Variants in GPC5 observed in about 807,000 individuals in gnomAD.
GPC5 encodes glypican-5.
GPC5 carries 47 observed loss-of-function variants against 53.9 expected under a neutral mutation model. The ratio of observed to expected loss-of-function variants is 0.87; its 90% CI spans 0.69 to 1.11. The LOEUF (loss-of-function observed/expected upper bound fraction) is 1.11. Ranked by LOEUF, GPC5 falls within the 50% of genes most tolerant of loss-of-function variation. GPC5 has a pLI of 0.00. For missense variants in GPC5, 748 were observed against 713.1 expected, an observed-to-expected ratio of 1.05 and a Z score of -0.56; for synonymous variants, 286 against 263.3, an observed-to-expected ratio of 1.09 and a Z score of -0.84.
At chr13:91,974,850 C>T (rs150314422) in intron 6 of GPC5, among the ~76,000 whole-genome samples, 3,491 of 152,044 alleles carry the variant, frequency 0.023, 131 homozygotes, top group African/African-American at 0.08. Flanking sequence ...GGAGGCATCC[C>T]GCTACCTGAC....
At chr13:91,436,749 T>C (rs747135046) in intron 1 of GPC5, among the ~76,000 whole-genome samples, 1 of 152,170 alleles carries the variant, frequency 6.6e-6, no homozygotes, top group East Asian at 1.9e-4. Flanking sequence ...CCTTATTAAC[T>C]TTCTGTGTCG....
At chr13:92,234,395 T>G (rs1200031061) in intron 7 of GPC5, among the ~76,000 whole-genome samples, 2 of 152,224 alleles carry the variant, frequency 1.3e-5, no homozygotes, top group Non-Finnish European at 2.9e-5. Context: ...TGATTTGCAT[T>G]TCTCTGATGG....
At chr13:92,386,227 A>G (rs1566568577) in intron 7 of GPC5, among the ~76,000 whole-genome samples, 1 of 152,012 alleles carries the variant, frequency 6.6e-6, no homozygotes, top group South Asian at 2.1e-4. Context: ...GCTTCAGGCA[A>G]TTTGCTGTTC....
intron 6 of GPC5, among the ~76,000 whole-genome samples, chr13:91,985,482 T>C (rs1392589017): frequency 6.6e-6 from 1 of 152,104 alleles, no homozygotes; most frequent in Admixed American, 6.5e-5. Context: ...TTTCTATTTG[T>C]TTTTTACTTG....
At chr13:92,061,552 A>T (rs1358512859) in intron 6 of GPC5, among the ~76,000 whole-genome samples, 1 of 152,090 alleles carries the variant, frequency 6.6e-6, no homozygotes, top group African/African-American at 2.4e-5. Context: ...AAATTATTGA[A>T]ATCAAGTTTT....
At chr13:92,838,736 T>TA (rs1190508537) in intron 7 of GPC5, among the ~76,000 whole-genome samples, 1 of 151,974 alleles carries the variant, frequency 6.6e-6, no homozygotes, top group Non-Finnish European at 1.5e-5. Flanking sequence ...TAGAAATATA[T>TA]AAAAAGATAG....
Position 92,182,254 on chromosome 13 carries a change from G to A in GPC5, c.1561+37265G>A, listed in dbSNP as rs540588177. ...TAACAATTCTATCCAAATTTTGAAG[G>A]CATTGAAAAATGTCACCCAGAAGCT... On this transcript the variant is annotated intron_variant, in intron 7 of 7. Transcript: ENST00000377067. 1.3e-4 allele frequency among the ~76,000 whole-genome samples: 20 copies of A among 152,196 alleles called. 1 individual carries two copies. The highest frequency in any genetic ancestry group is 6.8e-3 in the Middle Eastern group (2 of 294).
chr13:92,364,746 A>G lies in GPC5; in HGVS notation c.1561+219757A>G, dbSNP rs534528714. Reference sequence around the variant, plus strand: ...GACTCCGTCTCAAACAAAAATAATAAGTAATAAAATAAAATACAATAAATA... The same window carrying G: ...GACTCCGTCTCAAACAAAAATAATAGGTAATAAAATAAAATACAATAAATA... On this transcript the variant is annotated intron_variant, in intron 7 of 7. Coordinates refer to ENST00000377067, the MANE Select transcript of GPC5 (RefSeq NM_004466.6). 5.3e-5 allele frequency among the ~76,000 whole-genome samples: 8 copies of G among 151,906 alleles called. 1 individual carries two copies. Among genetic ancestry groups the G allele is most frequent in the African/African-American group, 1.9e-4 (8 of 41,182 alleles).
intron 2 of GPC5, among the ~76,000 whole-genome samples, chr13:91,576,114 G>A (rs1453291190): frequency 6.6e-6 from 1 of 152,004 alleles, no homozygotes; most frequent in Non-Finnish European, 1.5e-5. Context: ...GGGAACATTG[G>A]GCAGACAGAT....
chr13:91,601,655 G>A (rs1172346583), intron 2 of GPC5, among the ~76,000 whole-genome samples: 3 of 152,060 alleles, frequency 2.0e-5, no homozygotes, highest in Non-Finnish European at 2.9e-5. Context: ...GAGGGATCTC[G>A]GTTGCCCTCT....
intron 5 of GPC5, among the ~76,000 whole-genome samples, chr13:91,764,643 C>G (rs1309096155): frequency 6.6e-6 from 1 of 152,170 alleles, no homozygotes; most frequent in Non-Finnish European, 1.5e-5. Context: ...TCGTTTTTCC[C>G]CTCGTCCAGT....
At chr13:91,579,632 T>C (rs866522800) in intron 2 of GPC5, among the ~76,000 whole-genome samples, 2,928 of 143,030 alleles carry the variant, frequency 0.02, 84 homozygotes, top group African/African-American at 0.065. Context: ...TTCTTTTTTT[T>C]TTTTTTTTTT....
At chr13:91,654,400 G>A (rs961819633) in intron 2 of GPC5, among the ~76,000 whole-genome samples, 2 of 152,076 alleles carry the variant, frequency 1.3e-5, no homozygotes, top group Admixed American at 1.3e-4. Flanking sequence ...TAAGTAAATA[G>A]TTAGATACTT....
chr13:92,214,399 T>A (rs1594003273), intron 7 of GPC5, among the ~76,000 whole-genome samples: 1 of 152,300 alleles, frequency 6.6e-6, no homozygotes, highest in African/African-American at 2.4e-5. Flanking sequence ...CCTAAGAGCC[T>A]TATTTTGTTA....
chr13:91,972,683 A>G (rs1435770415), intron 6 of GPC5, among the ~76,000 whole-genome samples: 1 of 152,034 alleles, frequency 6.6e-6, no homozygotes, highest in Non-Finnish European at 1.5e-5. Context: ...ATCTCTCAGC[A>G]TTTGCTTGTC....
In GPC5 at chr13:91,886,964, C is replaced by T. The variant is rs189550703; in HGVS notation, c.1281-20973C>T. ...GTCTGGAGGATGGTGGCCCTCTTCT[C>T]ACAGCTTCACTAGGCAGCGCCCCAG... On this transcript the variant is annotated intron_variant, in intron 5 of 7. Coordinates refer to ENST00000377067, the MANE Select transcript of GPC5 (RefSeq NM_004466.6). Among the ~76,000 whole-genome samples, 239 of 152,260 alleles carry T rather than the reference C, an allele frequency of 1.6e-3. 1 individual carries two copies. In the Middle Eastern group the frequency reaches 0.054, roughly 35 times the overall value.
At chr13:91,472,982 T>C (rs978923025) in intron 2 of GPC5, among the ~76,000 whole-genome samples, 4 of 152,144 alleles carry the variant, frequency 2.6e-5, no homozygotes, top group African/African-American at 9.7e-5. Flanking sequence ...GGGTAATTTA[T>C]AAAGGAAAGA....
chr13:91,923,607 A>C (rs2039738819), intron 6 of GPC5, among the ~76,000 whole-genome samples: 1 of 152,218 alleles, frequency 6.6e-6, no homozygotes. Flanking sequence ...TATATGTTTC[A>C]CATTGATGTG....
chr13:91,560,662 C>T (rs1354379957), intron 2 of GPC5, among the ~76,000 whole-genome samples: 1 of 152,210 alleles, frequency 6.6e-6, no homozygotes, highest in Non-Finnish European at 1.5e-5. Context: ...TCTTGCAGCA[C>T]CCTCGTTGTA....
Sources: allele counts gnomAD v4.1 joint callset (sites outside exome capture counted in the v4.1 genomes callset), GRCh38; gene constraint gnomAD v4.1.1; transcripts MANE v1.5; gene names NCBI Gene and HGNC (gene_info 2026-07-23, HGNC 2026-07-21).